TFEC: variants seen among roughly 807,000 people sequenced by gnomAD.
TFEC encodes class E basic helix-loop-helix protein 34.
In TFEC, 31 loss-of-function variants were observed where a neutral mutation model predicts 41.6. The ratio of observed to expected loss-of-function variants is 0.74; its 90% CI spans 0.56 to 1.01. The LOEUF (loss-of-function observed/expected upper bound fraction) is 1.01, where lower values mean the gene tolerates loss of function less well. TFEC is among the 50% of genes least tolerant of loss of function. The pLI is 0.00. For missense variants in TFEC, 402 were observed against 404.1 expected (o/e 0.99, Z 0.04); for synonymous variants, 143 against 140.6 (o/e 1.02, Z -0.12).
intron 2 of TFEC, among the ~76,000 whole-genome samples, chr7:115,980,454 A>T (rs1793575027): frequency 6.6e-6 from 1 of 152,188 alleles, no homozygotes; most frequent in South Asian, 2.1e-4. Context: ...TGTTTTAAAA[A>T]TGGAGATAAT....
At chr7:116,132,350 T>C (rs1798349656) in intron 1 of TFEC, among the ~76,000 whole-genome samples, 1 of 152,240 alleles carries the variant, frequency 6.6e-6, no homozygotes, top group Non-Finnish European at 1.5e-5. Context: ...TTCTTGGGTC[T>C]GGCATCAGGT....
At chr7:115,953,608 T>G (rs749328113) in intron 5 of TFEC, among the ~76,000 whole-genome samples, 19 of 152,000 alleles carry the variant, frequency 1.3e-4, no homozygotes, top group Non-Finnish European at 2.8e-4. Context: ...GTTCCTCAAT[T>G]TACTAATCCC....
At chr7:116,090,696 A>G (rs1411202190) in intron 3 of TFEC, among the ~76,000 whole-genome samples, 1 of 152,138 alleles carries the variant, frequency 6.6e-6, no homozygotes, top group East Asian at 1.9e-4. Flanking sequence ...CTGAAAATAT[A>G]TTAGTTCAAG....
chr7:116,115,278 T>G (rs1391039771), intron 1 of TFEC, among the ~76,000 whole-genome samples: 1 of 152,006 alleles, frequency 6.6e-6, no homozygotes, highest in Non-Finnish European at 1.5e-5. Context: ...TTAAAAAAAT[T>G]TACCAAAAAC....
intron 3 of TFEC, among the ~76,000 whole-genome samples, chr7:116,091,707 G>A (rs541083067): frequency 6.6e-6 from 1 of 151,962 alleles, no homozygotes; most frequent in African/African-American, 2.4e-5. Flanking sequence ...AAAATAACAA[G>A]AACTCAAATT....
At chr7:115,946,416 TGTG>T (rs1791556793) in intron 6 of TFEC, among the ~76,000 whole-genome samples, 1 of 132,748 alleles carries the variant, frequency 7.5e-6, no homozygotes, top group East Asian at 2.1e-4. Flanking sequence ...TGTGTGTGTG[TGTG>T]TGTGTGTGTG....
At chr7:116,029,713 T>G (rs1007442411) in intron 1 of TFEC, among the ~76,000 whole-genome samples, 1 of 151,970 alleles carries the variant, frequency 6.6e-6, no homozygotes, top group Non-Finnish European at 1.5e-5. Flanking sequence ...TATATATGTA[T>G]GTACATGTGT....
intron 1 of TFEC, among the ~76,000 whole-genome samples, chr7:116,129,240 T>C (rs2116292067): frequency 6.6e-6 from 1 of 152,344 alleles, no homozygotes; most frequent in African/African-American, 2.4e-5. Context: ...CTGGACAGGT[T>C]GTTGTGTATA....
intron 1 of TFEC, among the ~76,000 whole-genome samples, chr7:115,999,396 A>T (rs549003929): frequency 6.6e-6 from 1 of 152,170 alleles, no homozygotes; most frequent in African/African-American, 2.4e-5. Flanking sequence ...AAGTAGAAAC[A>T]TTTCAAATAA....
intron 3 of TFEC, among the ~76,000 whole-genome samples, chr7:116,084,612 A>C (rs1797161663): frequency 6.6e-6 from 1 of 151,672 alleles, no homozygotes; most frequent in African/African-American, 2.4e-5. Context: ...GAGGCTACAT[A>C]GTTTCTGAAA....
At chr7:116,004,269 A>G (rs1794705721) in intron 1 of TFEC, among the ~76,000 whole-genome samples, 1 of 152,202 alleles carries the variant, frequency 6.6e-6, no homozygotes, top group South Asian at 2.1e-4. Context: ...GGAGGACACA[A>G]ATTATTATCA....
At chr7:116,040,051 T>C (rs1295849294) in intron 3 of TFEC, among the ~76,000 whole-genome samples, 1 of 152,118 alleles carries the variant, frequency 6.6e-6, no homozygotes, top group Non-Finnish European at 1.5e-5. Flanking sequence ...AGACAAAGTA[T>C]AAAATGCTTT....
chr7:115,982,042 C>A (rs970159230), intron 2 of TFEC, among the ~76,000 whole-genome samples: 49 of 152,240 alleles, frequency 3.2e-4, no homozygotes, highest in African/African-American at 1.2e-3. Flanking sequence ...TTTGATTTTA[C>A]ATTTCATCTT....
intron 3 of TFEC, among the ~76,000 whole-genome samples, chr7:116,105,080 T>C (rs1797685859): frequency 6.6e-6 from 1 of 152,072 alleles, no homozygotes; most frequent in Non-Finnish European, 1.5e-5. Flanking sequence ...AGCCCTCCAG[T>C]CCTATGGCCC....
chr7:115,974,451 A>T (rs6980165), intron 2 of TFEC, among the ~76,000 whole-genome samples, 195 bp from the exon 3 acceptor site: 3,091 of 24,692 alleles, frequency 0.13, 164 homozygotes, highest in African/African-American at 0.14. Flanking sequence ...TATATATATA[A>T]AAACACAGAT....
At chr7:116,043,114 T>C (rs940666422) in intron 3 of TFEC, among the ~76,000 whole-genome samples, 11 of 152,134 alleles carry the variant, frequency 7.2e-5, no homozygotes, top group Admixed American at 6.5e-4. Context: ...AGTGGCAACA[T>C]CTTAAGGCTT....
At chr7:116,120,650 GT>G (rs2116206591) in intron 1 of TFEC, among the ~76,000 whole-genome samples, 1 of 152,030 alleles carries the variant, frequency 6.6e-6, no homozygotes, top group Admixed American at 6.6e-5. Context: ...CTTAAACATA[GT>G]TTCATTAGCA....
chr7:116,096,508 T>C (rs888129519), intron 3 of TFEC, among the ~76,000 whole-genome samples: 3 of 152,206 alleles, frequency 2.0e-5, no homozygotes, highest in African/African-American at 7.2e-5. Context: ...GCCATTCTAA[T>C]ATGTGTATAG....
intron 1 of TFEC, among the ~76,000 whole-genome samples, chr7:116,146,148 G>T (rs1461067445): frequency 1.3e-5 from 2 of 152,142 alleles, no homozygotes; most frequent in African/African-American, 4.8e-5. Flanking sequence ...AGACAGTCAA[G>T]GAATTCCCCA....
Sources: gnomAD v4.1 joint callset for allele counts (sites outside exome capture counted in the v4.1 genomes callset) on GRCh38, gnomAD v4.1.1 for gene constraint, MANE v1.5 for transcripts, NCBI Gene and HGNC (gene_info 2026-07-23, HGNC 2026-07-21) for gene names.